Variants in CHRM3 observed in about 807,000 individuals in gnomAD.
CHRM3 encodes the protein muscarinic acetylcholine receptor M3.
CHRM3 carries 11 observed loss-of-function variants against 41.8 expected under a neutral mutation model. That is an observed-to-expected ratio of 0.26 (90% CI 0.17 to 0.44). The LOEUF (loss-of-function observed/expected upper bound fraction) is 0.44. Among genes scored for constraint, CHRM3 ranks in the 20% least tolerant of loss-of-function variants. The probability of loss-of-function intolerance (pLI) is 1.00; values close to 1 mark genes in which losing one functional copy is unlikely to be tolerated. For synonymous variants in CHRM3, 297 were observed against 301.4 expected, an observed-to-expected ratio of 0.99 and a Z score of 0.15; for missense variants, 571 against 745.4, an observed-to-expected ratio of 0.77 and a Z score of 2.72.
At chr1:239,806,296 G>A (rs919861891) in intron 5 of CHRM3, among the ~76,000 whole-genome samples, 1 of 152,092 alleles carries the variant, frequency 6.6e-6, no homozygotes. Flanking sequence ...ACTTCCAGGT[G>A]TTAAGCAGAC....
intron 3 of CHRM3, among the ~76,000 whole-genome samples, chr1:239,577,769 G>T (rs1484250544): frequency 6.6e-6 from 1 of 151,914 alleles, no homozygotes; most frequent in Admixed American, 6.6e-5. Context: ...TTATGTATTG[G>T]TTGCCATTTC....
chr1:239,523,402 A>G (rs1307254204), intron 2 of CHRM3, among the ~76,000 whole-genome samples: 1 of 152,188 alleles, frequency 6.6e-6, no homozygotes, highest in Non-Finnish European at 1.5e-5. Context: ...CCTACATGCA[A>G]GCTGCAATAG....
At chr1:239,695,093 C>A (rs1391143288) in intron 5 of CHRM3, among the ~76,000 whole-genome samples, 1 of 152,216 alleles carries the variant, frequency 6.6e-6, no homozygotes, top group East Asian at 1.9e-4. Flanking sequence ...TCGCTGCAAC[C>A]TCTGCCTCCC....
At chr1:239,549,877 C>A (rs974631288) in intron 3 of CHRM3, among the ~76,000 whole-genome samples, 3 of 151,696 alleles carry the variant, frequency 2.0e-5, no homozygotes, top group Non-Finnish European at 4.4e-5. Context: ...TACTACAGTG[C>A]GATTCTGAGA....
At chr1:239,750,844 C>CAATT (rs1665749709) in intron 5 of CHRM3, among the ~76,000 whole-genome samples, 1 of 152,158 alleles carries the variant, frequency 6.6e-6, no homozygotes, top group Admixed American at 6.5e-5. Context: ...ATTCTTTGCT[C>CAATT]AATTAAACTT....
At chr1:239,454,993 T>G (rs1664818557) in intron 1 of CHRM3, among the ~76,000 whole-genome samples, 1 of 152,310 alleles carries the variant, frequency 6.6e-6, no homozygotes, top group Admixed American at 6.5e-5. Flanking sequence ...GGTGATATAT[T>G]ATTACATTAC....
intron 4 of CHRM3, among the ~76,000 whole-genome samples, chr1:239,643,133 C>A (rs1169362292): frequency 6.6e-6 from 1 of 152,120 alleles, no homozygotes; most frequent in East Asian, 1.9e-4. Context: ...GAAGTTTTGT[C>A]TCAGAGGAGT....
At chr1:239,531,639 ATTTTTTTTTTTTTTTTT>A (rs58433814) in intron 2 of CHRM3, among the ~76,000 whole-genome samples, 8 of 55,898 alleles carry the variant, frequency 1.4e-4, no homozygotes, top group South Asian at 1.9e-3. Context: ...TCTAGAATGG[ATTTTTTTTTTTTTTTTT>A]TTTTTTTTTT....
intron 5 of CHRM3, chr1:239,730,406 A>C (rs569023391): frequency 6.6e-6 from 1 of 151,998 alleles, no homozygotes; most frequent in South Asian, 2.1e-4. Flanking sequence ...CCTACCTTTC[A>C]TGTGATGTCG....
chr1:239,436,012 G>A (rs887899591), intron 1 of CHRM3, among the ~76,000 whole-genome samples: 1 of 151,984 alleles, frequency 6.6e-6, no homozygotes, highest in African/African-American at 2.4e-5. Flanking sequence ...GGATATATAG[G>A]GTATTTTTTG....
intron 5 of CHRM3, among the ~76,000 whole-genome samples, chr1:239,759,290 A>C (rs1666534369): frequency 7.0e-6 from 1 of 142,596 alleles, no homozygotes; most frequent in South Asian, 2.2e-4. Context: ...GCTGAATTTT[A>C]TCTCAATAGG....
intron 4 of CHRM3, among the ~76,000 whole-genome samples, chr1:239,673,956 T>G (rs142863790): frequency 1.8e-3 from 279 of 152,196 alleles, no homozygotes; most frequent in African/African-American, 6.4e-3. Flanking sequence ...AATCCAAAAC[T>G]TTTTGAGCAC....
chr1:239,491,419 A>G (rs1667546504), intron 1 of CHRM3, among the ~76,000 whole-genome samples: 1 of 152,176 alleles, frequency 6.6e-6, no homozygotes. Context: ...ATTTGCTCCC[A>G]CATATGAATG....
intron 5 of CHRM3, among the ~76,000 whole-genome samples, chr1:239,711,898 A>G (rs984592674): frequency 6.6e-6 from 1 of 151,862 alleles, no homozygotes; most frequent in Admixed American, 6.6e-5. Context: ...GTCTCACTCT[A>G]TTGCCCAAGC....
chr1:239,624,440 G>T (rs1327966964), intron 3 of CHRM3, among the ~76,000 whole-genome samples: 1 of 65,794 alleles, frequency 1.5e-5, no homozygotes, highest in South Asian at 9.4e-4. Flanking sequence ...TTTCTCCCAT[G>T]TTGTAGGTTG....
chr1:239,757,206 T>C (rs930460838), intron 5 of CHRM3, among the ~76,000 whole-genome samples: 1 of 152,258 alleles, frequency 6.6e-6, no homozygotes. Context: ...TTCAAATTAA[T>C]ATTTATCCCA....
chr1:239,580,371 A>G (rs1463644871), intron 3 of CHRM3, among the ~76,000 whole-genome samples: 1 of 151,328 alleles, frequency 6.6e-6, no homozygotes, highest in Non-Finnish European at 1.5e-5. Flanking sequence ...TTTCAATCAA[A>G]TTGTGAGTAT....
intron 5 of CHRM3, among the ~76,000 whole-genome samples, chr1:239,736,802 A>G (rs1664432063): frequency 1.3e-5 from 2 of 152,210 alleles, no homozygotes; most frequent in African/African-American, 2.4e-5. Context: ...GTAATTAAGT[A>G]ACTTGTAAAG....
intron 3 of CHRM3, among the ~76,000 whole-genome samples, chr1:239,580,916 A>G (rs894247492): frequency 2.6e-5 from 4 of 151,534 alleles, no homozygotes; most frequent in Non-Finnish European, 5.9e-5. Context: ...GGCATTCTTT[A>G]CCTCTTGGGT....
Sources: gnomAD v4.1 joint callset for allele counts (sites outside exome capture counted in the v4.1 genomes callset) on GRCh38, gnomAD v4.1.1 for gene constraint, MANE v1.5 for transcripts, NCBI Gene and HGNC (gene_info 2026-07-23, HGNC 2026-07-21) for gene names.